Variants in UGCG observed in about 807,000 individuals in gnomAD.
The protein encoded by UGCG is UDP-glucose ceramide glucosyltransferase, also known as ceramide glucosyltransferase.
A neutral mutation model predicts 49.5 loss-of-function variants in UGCG; 10 were observed. The ratio of observed to expected loss-of-function variants is 0.20; its 90% CI spans 0.12 to 0.34. The LOEUF is 0.34. Among genes scored for constraint, UGCG ranks in the 10% least tolerant of loss-of-function variants. UGCG has a pLI of 1.00. For missense variants in UGCG, 312 were observed against 483.7 expected (o/e 0.65, Z 3.33); for synonymous variants, 182 against 158.2 (o/e 1.15, Z -1.13).
intron 2 of UGCG, among the ~76,000 whole-genome samples, chr9:111,918,110 C>T (rs1042294613): frequency 7.9e-5 from 12 of 152,068 alleles, no homozygotes; most frequent in Non-Finnish European, 1.3e-4. Context: ...GCCACAATCT[C>T]GGCTCACTGC....
At chr9:111,921,360 T>A (rs1838218602) in intron 2 of UGCG, among the ~76,000 whole-genome samples, 1 of 152,004 alleles carries the variant, frequency 6.6e-6, no homozygotes, top group Non-Finnish European at 1.5e-5. Context: ...ACTTAAAAAA[T>A]TTAGTTGTTG....
At chr9:111,905,282 C>T (rs56181304) in intron 1 of UGCG, among the ~76,000 whole-genome samples, 1 of 152,148 alleles carries the variant, frequency 6.6e-6, no homozygotes, top group Admixed American at 6.5e-5. Context: ...CATATGTAAT[C>T]TACTGGACAT....
chr9:111,917,225 G>A (rs1210549636), intron 2 of UGCG, among the ~76,000 whole-genome samples: 1 of 152,190 alleles, frequency 6.6e-6, no homozygotes. Flanking sequence ...ATATTTAGCT[G>A]TATAAATAGA....
chr9:111,905,452 CA>C (rs1164184992), intron 1 of UGCG, among the ~76,000 whole-genome samples: 1 of 150,314 alleles, frequency 6.7e-6, no homozygotes, highest in African/African-American at 2.4e-5. Flanking sequence ...CTCCTTCATG[CA>C]TTACTCTTTT....
In UGCG at chr9:111,933,249, G is replaced by A. The variant is rs575188284; in HGVS notation, c.*252G>A. ...GAATTGGTTCTAGGAACCTGGGTTC[G>A]TTCATCATTGTTGTTTATTTTTTTA... On this transcript the variant is annotated 3_prime_UTR_variant, in exon 9 of 9. Transcript: ENST00000374279. 2.0e-4 allele frequency: 44 copies of A among 225,334 alleles called. No individual in the cohort carries two copies. Among genetic ancestry groups the A allele is most frequent in the African/African-American group, 9.3e-4 (41 of 43,900 alleles). 14.0% of individuals were successfully genotyped at this position (225,334 alleles called of 1,614,324 possible). A position where few individuals can be genotyped will look rare whatever the true frequency, so the allele number is the denominator to read the frequency against.
At chr9:111,927,563 T>C (rs1838340221) in intron 5 of UGCG, among the ~76,000 whole-genome samples, 1 of 152,048 alleles carries the variant, frequency 6.6e-6, no homozygotes. Flanking sequence ...GCCATTCTCC[T>C]GCCTCAGCCT....
intron 5 of UGCG, among the ~76,000 whole-genome samples, chr9:111,928,032 G>A (rs1240539651): frequency 6.7e-6 from 1 of 148,630 alleles, no homozygotes; most frequent in Non-Finnish European, 1.5e-5. Flanking sequence ...AAAATTTGTT[G>A]TAATGTTATA....
At chr9:111,904,888 G>A (rs1307806552) in intron 1 of UGCG, among the ~76,000 whole-genome samples, 1 of 151,982 alleles carries the variant, frequency 6.6e-6, no homozygotes, top group Non-Finnish European at 1.5e-5. Flanking sequence ...CAACTAGAGA[G>A]CCAAGGCGGG....
At chr9:111,915,896 A>C (rs1457773995) in intron 2 of UGCG, 25 of 930,880 alleles carry the variant, frequency 2.7e-5, no homozygotes, top group Non-Finnish European at 3.1e-5. Flanking sequence ...ATTGCTTTGG[A>C]GTTTTGGAGT....
At chr9:111,920,758 A>G (rs1366285859) in intron 2 of UGCG, among the ~76,000 whole-genome samples, 1 of 152,094 alleles carries the variant, frequency 6.6e-6, no homozygotes. Context: ...TTTTATTTCT[A>G]CTTTTTACTT....
intron 5 of UGCG, among the ~76,000 whole-genome samples, chr9:111,928,670 TCATAATTGCCC>T (rs896485898): frequency 2.0e-5 from 3 of 152,206 alleles, no homozygotes; most frequent in African/African-American, 7.2e-5. Context: ...AGAATCATAA[TCATAATTGCCC>T]CTTAGAATTC....
chr9:111,900,018 T>C (rs543255678), intron 1 of UGCG, among the ~76,000 whole-genome samples: 31 of 152,340 alleles, frequency 2.0e-4, no homozygotes, highest in Admixed American at 2.0e-3. Context: ...ACATTCAGAT[T>C]AGAGACATTT....
chr9:111,926,466 C>CA lies in UGCG; in HGVS notation c.529dup (p.Arg177LysfsTer69). On this transcript the variant is annotated frameshift_variant, in exon 5 of 9. Transcript: ENST00000374279. LOFTEE classifies it high-confidence loss of function. ...TTCACGGGCTGCCTTACGTAGCAGA[C>CA]AGACAGGGCTTTGCTGCCACCTTAG... 2 of 1,610,264 alleles carry CA rather than the reference C, an allele frequency of 1.2e-6. No individual in the cohort carries two copies. The highest frequency in any genetic ancestry group is 1.7e-6 in the Non-Finnish European group (2 of 1,177,476).
At chr9:111,915,893 T>C in intron 2 of UGCG, 1 of 929,896 alleles carries the variant, frequency 1.1e-6, no homozygotes, top group Non-Finnish European at 1.3e-6. Flanking sequence ...ATTATTGCTT[T>C]GGAGTTTTGG....
intron 1 of UGCG, among the ~76,000 whole-genome samples, chr9:111,911,021 G>A (rs1032234429): frequency 7.2e-5 from 11 of 152,108 alleles, no homozygotes; most frequent in African/African-American, 2.7e-4. Flanking sequence ...TGCTGGGATT[G>A]CAGGCATGAG....
intron 1 of UGCG, among the ~76,000 whole-genome samples, chr9:111,907,953 A>G (rs758241789): frequency 6.6e-6 from 1 of 152,190 alleles, no homozygotes; most frequent in Non-Finnish European, 1.5e-5. Flanking sequence ...TGTCATAGGA[A>G]TCACTGTCTT....
Position 111,897,187 on chromosome 9 carries a change from C to A in UGCG, c.-29C>A. 6.5e-7 allele frequency: 1 copy of A among 1,531,740 alleles called. No homozygotes were observed. The highest frequency in any genetic ancestry group is 2.0e-5 in the Admixed American group (1 of 50,186). The allele number at this position is 1,531,740 out of a possible 1,614,324, so 94.9% of individuals were successfully genotyped here. On this transcript the variant is annotated 5_prime_UTR_variant, in exon 1 of 9. Transcript: ENST00000374279. ...GCGTTGTCCGTGTTGGCGGCCGCAG[C>A]GGGCCGGGCCGGTCCGGCGGGCCGG...
At chr9:111,910,084 C>T (rs562445896) in intron 1 of UGCG, among the ~76,000 whole-genome samples, 1 of 152,202 alleles carries the variant, frequency 6.6e-6, no homozygotes, top group Admixed American at 6.5e-5. Flanking sequence ...ACTGCATTCT[C>T]AACATGAAAA....
chr9:111,928,447 T>TAGAAA (rs1032621860), intron 5 of UGCG, among the ~76,000 whole-genome samples: 2 of 150,788 alleles, frequency 1.3e-5, no homozygotes, highest in Non-Finnish European at 2.9e-5. Flanking sequence ...TGCCTTAGTG[T>TAGAAA]AGGTTTAATC....
Sources: allele counts gnomAD v4.1 joint callset (sites outside exome capture counted in the v4.1 genomes callset), GRCh38; gene constraint gnomAD v4.1.1; transcripts MANE v1.5; gene names NCBI Gene and HGNC (gene_info 2026-07-23, HGNC 2026-07-21).